The following RIT2 variants were observed in gnomAD, a reference collection of about 807,000 sequenced individuals.
RIT2 encodes the protein Ras like without CAAX 2, also known as GTP-binding protein Rit2.
RIT2 carries 24 observed loss-of-function variants against 23.7 expected under a neutral mutation model. The ratio of observed to expected loss-of-function variants is 1.01; its 90% CI spans 0.73 to 1.43. The LOEUF (loss-of-function observed/expected upper bound fraction) is 1.43. Among genes scored for constraint, RIT2 ranks in the 40% most tolerant of loss-of-function variants. The pLI, the probability that RIT2 is intolerant of heterozygous loss-of-function variation, is 0.00. For synonymous variants in RIT2, 107 were observed against 91.1 expected (o/e 1.17, Z -0.99); for missense variants, 236 against 266.9 (o/e 0.88, Z 0.81).
chr18:43,087,260 TA>T (rs1176370569), intron 1 of RIT2, among the ~76,000 whole-genome samples: 4 of 151,294 alleles, frequency 2.6e-5, no homozygotes, highest in Non-Finnish European at 4.4e-5. Flanking sequence ...TAAAATAAAA[TA>T]AAAAAGTAAA....
intron 4 of RIT2, among the ~76,000 whole-genome samples, chr18:42,839,173 C>G (rs548637718): frequency 1.8e-4 from 27 of 152,272 alleles, no homozygotes; most frequent in African/African-American, 6.5e-4. Flanking sequence ...GGGAGAAGCT[C>G]CATGTCTGAC....
chr18:42,950,668 A>G (rs1296531074), intron 3 of RIT2, among the ~76,000 whole-genome samples: 1 of 152,074 alleles, frequency 6.6e-6, no homozygotes, highest in Non-Finnish European at 1.5e-5. Flanking sequence ...AAATATCCAG[A>G]GTCTATAAAA....
At chr18:42,809,104 A>G (rs1905767808) in intron 4 of RIT2, among the ~76,000 whole-genome samples, 1 of 152,160 alleles carries the variant, frequency 6.6e-6, no homozygotes, top group Admixed American at 6.5e-5. Context: ...TACTTATTGC[A>G]TTATGTGATT....
At chr18:43,090,048 T>A (rs1913384471) in intron 1 of RIT2, among the ~76,000 whole-genome samples, 1 of 152,112 alleles carries the variant, frequency 6.6e-6, no homozygotes. Flanking sequence ...TGGAATCTAA[T>A]TAAACTAAAC....
chr18:43,060,996 C>A (rs1439309895), intron 1 of RIT2, among the ~76,000 whole-genome samples: 1 of 152,050 alleles, frequency 6.6e-6, no homozygotes, highest in African/African-American at 2.4e-5. Context: ...TGTTTTCATG[C>A]ACTCATTTAA....
intron 4 of RIT2, among the ~76,000 whole-genome samples, chr18:42,830,178 T>C (rs1459000847): frequency 2.6e-5 from 4 of 152,200 alleles, no homozygotes; most frequent in African/African-American, 9.7e-5. Context: ...CACACTGAAC[T>C]ATCACTTCTT....
chr18:42,973,306 CTTT>C (rs903045478), intron 3 of RIT2, among the ~76,000 whole-genome samples: 3 of 151,496 alleles, frequency 2.0e-5, no homozygotes, highest in Non-Finnish European at 4.4e-5. Flanking sequence ...TTTATGCTTT[CTTT>C]TTTGTCTTAT....
chr18:43,037,931 G>A (rs1912018177), intron 1 of RIT2, among the ~76,000 whole-genome samples: 1 of 152,094 alleles, frequency 6.6e-6, no homozygotes, highest in South Asian at 2.1e-4. Context: ...CAGGCCGGAC[G>A]CCGTGGCTCA....
At chr18:42,983,824 C>T (rs1489367367) in intron 2 of RIT2, among the ~76,000 whole-genome samples, 1 of 151,958 alleles carries the variant, frequency 6.6e-6, no homozygotes, top group East Asian at 1.9e-4. Context: ...ACATACCTAA[C>T]AGAATGGCTA....
intron 3 of RIT2, among the ~76,000 whole-genome samples, chr18:42,962,355 A>T (rs184179541): frequency 3.9e-5 from 6 of 152,212 alleles, no homozygotes; most frequent in African/African-American, 1.4e-4. Flanking sequence ...CTATTTTTAT[A>T]CTTTGAGGGC....
At chr18:43,112,349 A>G (rs1913972096) in intron 1 of RIT2, among the ~76,000 whole-genome samples, 2 of 152,198 alleles carry the variant, frequency 1.3e-5, no homozygotes, top group African/African-American at 4.8e-5. Context: ...AGGACTGAGT[A>G]TAAGCGTGAA....
intron 4 of RIT2, among the ~76,000 whole-genome samples, chr18:42,810,627 C>T (rs1030547700): frequency 6.6e-6 from 1 of 151,948 alleles, no homozygotes; most frequent in Non-Finnish European, 1.5e-5. Flanking sequence ...TCTCACTGAC[C>T]TCACTATAAA....
At chr18:43,068,579 G>T (rs1346763743) in intron 1 of RIT2, among the ~76,000 whole-genome samples, 1 of 152,156 alleles carries the variant, frequency 6.6e-6, no homozygotes, top group Non-Finnish European at 1.5e-5. Flanking sequence ...AGAGAAGGAT[G>T]CAGTGGTCAA....
At chr18:42,979,532 A>C (rs531495014) in intron 2 of RIT2, among the ~76,000 whole-genome samples, 1 of 152,144 alleles carries the variant, frequency 6.6e-6, no homozygotes, top group Non-Finnish European at 1.5e-5. Context: ...TCATAGAATC[A>C]ATTTATAAGA....
chr18:43,091,382 A>C (rs1383963091), intron 1 of RIT2, among the ~76,000 whole-genome samples: 1 of 152,072 alleles, frequency 6.6e-6, no homozygotes, highest in African/African-American at 2.4e-5. Context: ...CGCCAATACC[A>C]ATGAGATTCA....
Position 42,743,658 on chromosome 18 carries a change from A to G in RIT2, c.489T>C (p.Ser163=). 6.2e-7 allele frequency: 1 copy of G among 1,614,098 alleles called. No homozygotes were observed. The highest frequency in any genetic ancestry group is 8.5e-7 in the Non-Finnish European group (1 of 1,179,988). The change falls in exon 5 of 5, where the codon TCT becomes TCC. Residue 163 remains serine, a synonymous_variant. Transcript: ENST00000326695. ...QEYNCGFFET[S]AALRFCIDDA... is the part of the protein sequence containing the mutation. ...CATCAATACAGAATCTGAGGGCTGC[A>G]GAGGTCTCAAAAAAACCACAATTAT...
intron 1 of RIT2, among the ~76,000 whole-genome samples, chr18:43,039,321 A>G (rs1416206615): frequency 6.6e-6 from 1 of 150,700 alleles, no homozygotes; most frequent in African/African-American, 2.4e-5. Flanking sequence ...ATGGCACCAG[A>G]ATTTCTGTTG....
intron 4 of RIT2, among the ~76,000 whole-genome samples, chr18:42,776,430 T>C (rs1330464208): frequency 5.9e-5 from 9 of 152,200 alleles, no homozygotes; most frequent in African/African-American, 9.6e-5. Flanking sequence ...TCATAACTAA[T>C]TTTTAACCTT....
chr18:42,854,907 C>A (rs1445634531), intron 4 of RIT2, among the ~76,000 whole-genome samples: 2 of 152,176 alleles, frequency 1.3e-5, no homozygotes, highest in African/African-American at 4.8e-5. Context: ...GACCCCAAAT[C>A]CTACAACTAC....
Sources: allele counts gnomAD v4.1 joint callset (sites outside exome capture counted in the v4.1 genomes callset), GRCh38; gene constraint gnomAD v4.1.1; transcripts MANE v1.5; gene names NCBI Gene and HGNC (gene_info 2026-07-23, HGNC 2026-07-21).